Variants in TRPM7 observed in about 807,000 individuals in gnomAD.
The protein encoded by TRPM7 is LTRPC ion channel family member 7.
A neutral mutation model predicts 229.7 loss-of-function variants in TRPM7; 134 were observed. That is an observed-to-expected ratio of 0.58 (90% CI 0.51 to 0.67). The LOEUF is 0.67. Among genes scored for constraint, TRPM7 ranks in the 30% least tolerant of loss-of-function variants. TRPM7 has a pLI of 0.00. For synonymous variants in TRPM7, 699 were observed against 715.2 expected (o/e 0.98, Z 0.36); for missense variants, 1,901 against 2,210.0 (o/e 0.86, Z 2.80).
intron 21 of TRPM7, among the ~76,000 whole-genome samples, chr15:50,603,429 A>G (rs2059832166): frequency 6.6e-6 from 1 of 151,888 alleles, no homozygotes; most frequent in African/African-American, 2.4e-5. Flanking sequence ...TACATTAGGT[A>G]TATCTCCTAA....
intron 38 of TRPM7, among the ~76,000 whole-genome samples, chr15:50,565,218 A>G (rs1482167508): frequency 1.3e-5 from 2 of 151,996 alleles, no homozygotes. Context: ...CTGACCTCAA[A>G]TGATCTGCCC....
intron 13 of TRPM7, among the ~76,000 whole-genome samples, chr15:50,617,131 A>AAAAAAAAT (rs1330485704): frequency 3.6e-5 from 5 of 137,352 alleles, no homozygotes; most frequent in Non-Finnish European, 6.2e-5. Context: ...CTCTACCAAA[A>AAAAAAAAT]AAATAAATAA....
chr15:50,643,530 G>A lies in TRPM7; in HGVS notation c.345C>T (p.Thr115=). 6.2e-7 allele frequency: 1 copy of A among 1,613,930 alleles called. No homozygotes were observed. The highest frequency in any genetic ancestry group is 8.5e-7 in the Non-Finnish European group (1 of 1,179,954). Residue 115 remains threonine (T), a synonymous_variant, in exon 5 of 39, where the codon ACC becomes ACT. Coordinates refer to ENST00000646667, the MANE Select transcript of TRPM7 (RefSeq NM_017672.6). The part of the protein sequence containing the change: ...RAKYVRLSYD[T]KPEVILQLLL... ...GAAGTTGCAGAATGACTTCAGGTTT[G>A]GTGTCATATGATAGCCTCACATACT... is the stretch of plus-strand genomic sequence containing the variant.
chr15:50,603,235 A>C (rs1050696486), intron 21 of TRPM7, among the ~76,000 whole-genome samples: 13 of 152,176 alleles, frequency 8.5e-5, no homozygotes, highest in Non-Finnish European at 5.9e-5. Context: ...AGAAAACCTA[A>C]AAATCTTGTT....
At chr15:50,668,500 A>T (rs555711730) in intron 1 of TRPM7, among the ~76,000 whole-genome samples, 1 of 152,018 alleles carries the variant, frequency 6.6e-6, no homozygotes, top group East Asian at 1.9e-4. Flanking sequence ...ATGGCAATAG[A>T]TTTGTTTTTG....
rs552202681 is a variant in TRPM7 at position 50,596,169 on chromosome 15, G to C, written c.3290+86C>G. On this transcript the variant is annotated intron_variant, in intron 23 of 38. Coordinates refer to ENST00000646667, the MANE Select transcript of TRPM7 (RefSeq NM_017672.6). ...AGTTTAAGCCTCAATAAAATTTTTAGATTTTAAGTTCTATAAATTTCCTTC... is the reference window on the plus strand; with the variant it reads ...AGTTTAAGCCTCAATAAAATTTTTACATTTTAAGTTCTATAAATTTCCTTC... 205 of 973,460 alleles carry C rather than the reference G, an allele frequency of 2.1e-4. No homozygotes were observed. In the African/African-American group the frequency reaches 3.3e-3, roughly 16 times the overall value. 60.3% of individuals were successfully genotyped at this position (973,460 alleles called of 1,614,324 possible). A position where few individuals can be genotyped will look rare whatever the true frequency, so the allele number is the denominator to read the frequency against.
Position 50,558,356 on chromosome 15 carries a change from C to A in TRPM7, c.*3322G>T, listed in dbSNP as rs1196907581. ...CCCAGGAATTTGAGACCAGCGTGGG[C>A]AACAAGGCTAGACCCCATCTCTACA... is the stretch of plus-strand genomic sequence containing the variant. On this transcript the variant is annotated 3_prime_UTR_variant, in exon 39 of 39. Coordinates refer to ENST00000646667, the MANE Select transcript of TRPM7 (RefSeq NM_017672.6). The A allele has an allele frequency of 6.6e-6, 1 of 152,234 alleles. No individual in the cohort carries two copies. Among genetic ancestry groups the A allele is most frequent in the Non-Finnish European group, 1.5e-5 (1 of 68,132 alleles). 9.4% of individuals were successfully genotyped at this position (152,234 alleles called of 1,614,324 possible).
intron 13 of TRPM7, 38 bp downstream of exon 13, chr15:50,619,707 A>T (rs1190374164): frequency 6.7e-7 from 1 of 1,483,212 alleles, no homozygotes. Context: ...ATGATTTTTT[A>T]AAATAACATT....
chr15:50,662,245 C>T (rs1044889871), intron 2 of TRPM7, among the ~76,000 whole-genome samples: 11 of 150,572 alleles, frequency 7.3e-5, no homozygotes, highest in Admixed American at 5.3e-4. Flanking sequence ...CCCAGCTACT[C>T]GGGAGGCTGA....
chr15:50,685,874 G>C (rs1485707306), intron 1 of TRPM7, among the ~76,000 whole-genome samples: 2 of 152,108 alleles, frequency 1.3e-5, no homozygotes, highest in African/African-American at 4.8e-5. Flanking sequence ...CTGACTGACA[G>C]TACATTGTCT....
At position 50,624,202 on chromosome 15, in the gene TRPM7, G is replaced by T. The variant is rs1404157181; in HGVS notation, c.1404C>A (p.Phe468Leu). ...LIENGVSMHKFLTIPRLEELY... is the reference protein window; with the variant it reads ...LIENGVSMHKLLTIPRLEELY... Reference sequence around the variant, plus strand: ...GTTCTTCCAGTCTCGGAATGGTAAGGAATTTATGCATGCTTACTCCATTTT... The same window carrying T: ...GTTCTTCCAGTCTCGGAATGGTAAGTAATTTATGCATGCTTACTCCATTTT... The change falls in exon 12 of 39, where the codon TTC becomes TTA. Residue 468 changes from phenylalanine (F) to leucine (L), a missense_variant. By Grantham distance (22) the Phe-to-Leu change is conservative (BLOSUM62 0). Around this residue, in one of 8 missense-constraint regions of TRPM7, gnomAD observed 794 missense variants for 881.9 expected, o/e 0.90. Transcript: ENST00000646667. 1 of 1,611,768 alleles carries T rather than the reference G, an allele frequency of 6.2e-7. No homozygotes were observed. Among genetic ancestry groups the T allele is most frequent in the Non-Finnish European group, 8.5e-7 (1 of 1,179,122 alleles).
intron 20 of TRPM7, among the ~76,000 whole-genome samples, chr15:50,606,574 C>T (rs1276033939): frequency 6.6e-6 from 1 of 152,128 alleles, no homozygotes; most frequent in Non-Finnish European, 1.5e-5. Context: ...TCTCAGTTCA[C>T]TGCAACCTCT....
chr15:50,601,079 AAAC>A (rs1003358898), intron 21 of TRPM7, among the ~76,000 whole-genome samples: 1 of 152,240 alleles, frequency 6.6e-6, no homozygotes, highest in African/African-American at 2.4e-5. Context: ...AAAAGTATTA[AAAC>A]ATTATTCATG....
chr15:50,563,192 T>C (rs905302676), intron 38 of TRPM7, among the ~76,000 whole-genome samples: 8 of 152,248 alleles, frequency 5.3e-5, no homozygotes, highest in South Asian at 4.1e-4. Flanking sequence ...TTGTTCACAG[T>C]CTGTGGTTAT....
Position 50,601,080 on chromosome 15 carries a change from A to C in TRPM7, c.2989-1784T>G, listed in dbSNP as rs147225432. On this transcript the variant is annotated intron_variant, in intron 21 of 38. Transcript: ENST00000646667. ...TTTTAAAAGGCAAAAAAAGTATTAA[A>C]ACATTATTCATGCTATTTGATATAT... Among the ~76,000 whole-genome samples the C allele has an allele frequency of 2.0e-5, 3 of 152,364 alleles. No homozygotes were observed. The East Asian group carries it at 5.8e-4, about 29-fold the overall frequency.
intron 10 of TRPM7, among the ~76,000 whole-genome samples, chr15:50,630,893 C>A (rs752450812): frequency 6.6e-6 from 1 of 152,086 alleles, no homozygotes; most frequent in Non-Finnish European, 1.5e-5. Context: ...TGGAATACAG[C>A]GGCATGATCA....
At chr15:50,648,232 T>A (rs2061325715) in intron 4 of TRPM7, among the ~76,000 whole-genome samples, 1 of 151,636 alleles carries the variant, frequency 6.6e-6, no homozygotes, top group African/African-American at 2.4e-5. Context: ...AATAATATGC[T>A]AATAAAGGAG....
chr15:50,570,971 T>C lies in TRPM7; in HGVS notation c.5309-816A>G, dbSNP rs544828579. Among the ~76,000 whole-genome samples the C allele has an allele frequency of 8.5e-5, 13 of 152,216 alleles. No individual in the cohort carries two copies. The East Asian group carries it at 1.7e-3, about 20-fold the overall frequency. On this transcript the variant is annotated intron_variant, in intron 36 of 38. Transcript: ENST00000646667. Reference sequence around the variant, plus strand: ...AACATTCATGTAACACAGAGTAAGATTGTGAAAATCTTTCTTCACCTCCAG... The same window carrying C: ...AACATTCATGTAACACAGAGTAAGACTGTGAAAATCTTTCTTCACCTCCAG...
Position 50,604,978 on chromosome 15 carries a change from A to T in TRPM7, c.2876T>A (p.Val959Glu). The change falls in exon 21 of 39, where the codon GTG (valine) becomes GAG (glutamate). Residue 959 changes from valine (V) to glutamate (E), a missense_variant. Around this residue, in one of 8 missense-constraint regions of TRPM7, gnomAD observed 207 missense variants for 241.5 expected, o/e 0.86. Transcript: ENST00000646667. ...FANAYDNHVF[V>E]AGRLIYCLNI... is the part of the protein sequence containing the mutation. Reference sequence around the variant, plus strand: ...AAGACAGTAAATTAATCTTCCAGCCACAAAAACATGATTATCATATGCATT... The same window carrying T: ...AAGACAGTAAATTAATCTTCCAGCCTCAAAAACATGATTATCATATGCATT... The T allele has an allele frequency of 6.2e-7, 1 of 1,613,980 alleles. No individual in the cohort carries two copies. The highest frequency in any genetic ancestry group is 8.5e-7 in the Non-Finnish European group (1 of 1,179,936).
Sources: allele counts gnomAD v4.1 joint callset (sites outside exome capture counted in the v4.1 genomes callset), GRCh38; gene constraint gnomAD v4.1.1; regional missense constraint gnomAD v4.1.1; transcripts MANE v1.5; gene names NCBI Gene and HGNC (gene_info 2026-07-23, HGNC 2026-07-21).